KANSL1L: variants seen among roughly 807,000 people sequenced by gnomAD.
KANSL1L encodes the protein KAT8 regulatory NSL complex subunit 1 like, also known as KAT8 regulatory NSL complex subunit 1-like protein.
In KANSL1L, 25 loss-of-function variants were observed where a neutral mutation model predicts 108.6. That is an observed-to-expected ratio of 0.23 (90% CI 0.17 to 0.32). KANSL1L has a LOEUF of 0.32. KANSL1L is among the 10% of genes least tolerant of loss of function. The probability of loss-of-function intolerance (pLI) is 1.00; values close to 1 mark genes in which losing one functional copy is unlikely to be tolerated. For missense variants in KANSL1L, 1,137 were observed against 1,125.7 expected, an observed-to-expected ratio of 1.01 and a Z score of -0.14; for synonymous variants, 405 against 395.1, an observed-to-expected ratio of 1.03 and a Z score of -0.30.
At chr2:210,105,431 T>C (rs1020890563) in intron 3 of KANSL1L, among the ~76,000 whole-genome samples, 1 of 148,862 alleles carries the variant, frequency 6.7e-6, no homozygotes, top group African/African-American at 2.4e-5. Context: ...AGTTGGAAAA[T>C]TATTACACTC....
intron 5 of KANSL1L, chr2:210,096,632 T>G: frequency 3.0e-6 from 3 of 985,318 alleles, no homozygotes; most frequent in Non-Finnish European, 3.6e-6. Flanking sequence ...TTGATGTGTT[T>G]TATGGGGCAG....
intron 3 of KANSL1L, among the ~76,000 whole-genome samples, chr2:210,112,945 C>T (rs1289146920): frequency 6.6e-6 from 1 of 152,172 alleles, no homozygotes; most frequent in Admixed American, 6.5e-5. Context: ...TAGCAGCTAC[C>T]CATCCCCACA....
chr2:210,132,809 T>C (rs932951268), intron 2 of KANSL1L, among the ~76,000 whole-genome samples: 3 of 152,186 alleles, frequency 2.0e-5, no homozygotes, highest in Non-Finnish European at 4.4e-5. Flanking sequence ...GGAATCAAGC[T>C]AATGCTACCC....
intron 6 of KANSL1L, among the ~76,000 whole-genome samples, chr2:210,069,622 G>A (rs1365072460): frequency 6.6e-6 from 1 of 152,026 alleles, no homozygotes; most frequent in Admixed American, 6.6e-5. Flanking sequence ...AAATTGATGT[G>A]TTGGCAGGGC....
chr2:210,060,530 C>T (rs771113465), intron 6 of KANSL1L, among the ~76,000 whole-genome samples: 1 of 152,178 alleles, frequency 6.6e-6, no homozygotes, highest in African/African-American at 2.4e-5. Context: ...TAGTTTCCCA[C>T]CCAACATTCC....
intron 4 of KANSL1L, among the ~76,000 whole-genome samples, chr2:210,099,028 G>C (rs900858659): frequency 6.6e-6 from 1 of 151,850 alleles, no homozygotes; most frequent in Non-Finnish European, 1.5e-5. Context: ...CATCATAGAA[G>C]AACTGGAAAA....
chr2:210,055,041 A>G (rs892071666), intron 6 of KANSL1L, among the ~76,000 whole-genome samples: 5 of 152,278 alleles, frequency 3.3e-5, no homozygotes, highest in African/African-American at 9.6e-5. Flanking sequence ...CTCATCTTGA[A>G]TTGTAGTTCC....
At chr2:210,098,050 T>C (rs754403746) in intron 5 of KANSL1L, 36 bp downstream of exon 5, 6 of 1,535,844 alleles carry the variant, frequency 3.9e-6, no homozygotes, top group Middle Eastern at 1.7e-4. Context: ...TAGGCAAAGT[T>C]GAATTTAAAA....
intron 2 of KANSL1L, among the ~76,000 whole-genome samples, chr2:210,139,475 A>C (rs1432075810): frequency 6.6e-6 from 1 of 152,164 alleles, no homozygotes; most frequent in Non-Finnish European, 1.5e-5. Flanking sequence ...TTTCCAGAGA[A>C]ACCTCCTTAC....
intron 3 of KANSL1L, among the ~76,000 whole-genome samples, chr2:210,114,668 A>G (rs2094937946): frequency 6.6e-6 from 1 of 152,136 alleles, no homozygotes; most frequent in Admixed American, 6.5e-5. Flanking sequence ...ACTTGTGGTA[A>G]CTTTGGTTTG....
rs745507577 is a variant in KANSL1L, at chr2:210,044,030, A to T, written c.1830T>A (p.Ser610Arg). 5.0e-6 allele frequency: 8 copies of T among 1,608,124 alleles called. No individual in the cohort carries two copies. Among genetic ancestry groups the T allele is most frequent in the Non-Finnish European group, 6.8e-6 (8 of 1,176,380 alleles). The change falls in exon 7 of 15, where the codon AGT (serine) becomes AGA (arginine). Residue 610 changes from serine to arginine, a missense_variant. Ser to Arg is a moderately radical substitution (Grantham distance 110). Transcript: ENST00000281772. This position sits in a 1 kb window ranked among gnomAD's most constrained non-coding sequence, Gnocchi z 4.2. ...MPCLQSASTWSSYEHNSESYL... is the reference protein window; with the variant it reads ...MPCLQSASTWRSYEHNSESYL... ...AAGACTCCGAATTGTGTTCATAGCTACTCCAAGTTGAAGCTGATTGCAGGC... is the reference window on the plus strand; with the variant it reads ...AAGACTCCGAATTGTGTTCATAGCTTCTCCAAGTTGAAGCTGATTGCAGGC...
At chr2:210,141,920 T>A (rs2095232694) in intron 2 of KANSL1L, among the ~76,000 whole-genome samples, 1 of 152,144 alleles carries the variant, frequency 6.6e-6, no homozygotes, top group South Asian at 2.1e-4. Context: ...TGGTGAATGA[T>A]CCTTTTAATG....
chr2:210,107,510 CAAAAAA>C (rs142353453), intron 3 of KANSL1L, among the ~76,000 whole-genome samples: 8 of 122,940 alleles, frequency 6.5e-5, no homozygotes, highest in African/African-American at 2.3e-4. Context: ...TTCTTCTCCT[CAAAAAA>C]AAAATATATA....
intron 6 of KANSL1L, among the ~76,000 whole-genome samples, chr2:210,046,737 AG>A (rs1177635176): frequency 6.6e-6 from 1 of 152,134 alleles, no homozygotes; most frequent in Non-Finnish European, 1.5e-5. Flanking sequence ...CTTGGGGTCA[AG>A]GGCCTGTGGC....
At chr2:210,166,001 C>CAT (rs1687935453) in intron 1 of KANSL1L, among the ~76,000 whole-genome samples, 1 of 152,078 alleles carries the variant, frequency 6.6e-6, no homozygotes, top group African/African-American at 2.4e-5. Context: ...TCAACTTGAT[C>CAT]ATATGTATGT....
At position 210,168,437 on chromosome 2, in the gene KANSL1L, T is replaced by C. The variant is rs537400710; in HGVS notation, c.-30+2712A>G. Reference sequence around the variant, plus strand: ...AGATTAAAGGGCATAAAGGATCCTATAGGCAATAAGAAGTGAGCTACCAAG... The same window carrying C: ...AGATTAAAGGGCATAAAGGATCCTACAGGCAATAAGAAGTGAGCTACCAAG... On this transcript the variant is annotated intron_variant, in intron 1 of 14. Transcript: ENST00000281772. Among the ~76,000 whole-genome samples, 14 of 152,160 alleles carry C rather than the reference T, an allele frequency of 9.2e-5. No individual in the cohort carries two copies. The South Asian group carries it at 1.2e-3, about 14-fold the overall frequency.
chr2:210,119,634 A>T (rs2094994952), intron 3 of KANSL1L, among the ~76,000 whole-genome samples: 1 of 152,196 alleles, frequency 6.6e-6, no homozygotes, highest in Non-Finnish European at 1.5e-5. Context: ...AAGAAAATTC[A>T]ACATCCTTCA....
chr2:210,068,247 A>T (rs927876653), intron 6 of KANSL1L, among the ~76,000 whole-genome samples: 4 of 152,204 alleles, frequency 2.6e-5, no homozygotes, highest in Non-Finnish European at 4.4e-5. Flanking sequence ...ACTATTTTAA[A>T]GTATGTAACT....
intron 8 of KANSL1L, among the ~76,000 whole-genome samples, chr2:210,040,097 A>G (rs1264116366): frequency 6.6e-6 from 1 of 151,862 alleles, no homozygotes; most frequent in African/African-American, 2.4e-5. Context: ...TTCGAGTTAC[A>G]TTACATTAAT....
Sources: allele counts gnomAD v4.1 joint callset (sites outside exome capture counted in the v4.1 genomes callset), GRCh38; gene constraint gnomAD v4.1.1; non-coding constraint Gnocchi (gnomAD v3.1); transcripts MANE v1.5; gene names NCBI Gene and HGNC (gene_info 2026-07-23, HGNC 2026-07-21).